CHST8: variants seen among roughly 807,000 people sequenced by gnomAD.
The protein encoded by CHST8 is GALNAC-4-ST1.
CHST8 carries 10 observed loss-of-function variants against 15.0 expected under a neutral mutation model. That is an observed-to-expected ratio of 0.67 (90% CI 0.41 to 1.13). The LOEUF is 1.13. Ranked by LOEUF, CHST8 falls within the 50% of genes most tolerant of loss-of-function variation. The pLI is 0.00. For missense variants in CHST8, 634 were observed against 608.2 expected (o/e 1.04, Z -0.45); for synonymous variants, 259 against 256.6 (o/e 1.01, Z -0.09).
chr19:33,635,096 C>G (rs73585470), intron 1 of CHST8, among the ~76,000 whole-genome samples: 236 of 152,232 alleles, frequency 1.6e-3, no homozygotes, highest in African/African-American at 5.4e-3. Context: ...CCCCCTGATC[C>G]CCCGAAAAGA....
At chr19:33,701,923 T>A (rs1488930307) in intron 3 of CHST8, among the ~76,000 whole-genome samples, 1 of 152,214 alleles carries the variant, frequency 6.6e-6, no homozygotes, top group African/African-American at 2.4e-5. Context: ...AAGCCTGTGC[T>A]CCCCCTTCTC....
intron 3 of CHST8, among the ~76,000 whole-genome samples, chr19:33,694,203 TATATATATATATATATAA>T: frequency 1.1e-5 from 1 of 93,794 alleles, no homozygotes. Flanking sequence ...TATATATATA[TATATATATATATATATAA>T]TGTTACCATA....
chr19:33,688,434 C>T (rs1036014195), intron 2 of CHST8, among the ~76,000 whole-genome samples: 1 of 152,204 alleles, frequency 6.6e-6, no homozygotes, highest in Non-Finnish European at 1.5e-5. Flanking sequence ...CTCTGCGCCT[C>T]TGAGCTTGGA....
intron 3 of CHST8, among the ~76,000 whole-genome samples, chr19:33,741,186 G>T (rs1416794971): frequency 2.0e-5 from 3 of 152,164 alleles, no homozygotes; most frequent in African/African-American, 7.2e-5. Context: ...GTACCTACAT[G>T]GTCCTGCTTG....
At chr19:33,648,388 C>T (rs1370578193) in intron 1 of CHST8, among the ~76,000 whole-genome samples, 2 of 152,070 alleles carry the variant, frequency 1.3e-5, no homozygotes, top group Admixed American at 1.3e-4. Flanking sequence ...ACAGTCACTC[C>T]CCTTCCTTCC....
chr19:33,639,686 G>A (rs776621946), intron 1 of CHST8, among the ~76,000 whole-genome samples: 1 of 152,020 alleles, frequency 6.6e-6, no homozygotes, highest in Non-Finnish European at 1.5e-5. Flanking sequence ...GGGAGAGGAA[G>A]AAGCTGTGTT....
chr19:33,743,671 T>C (rs1020943383), intron 3 of CHST8, among the ~76,000 whole-genome samples: 7 of 152,178 alleles, frequency 4.6e-5, no homozygotes, highest in African/African-American at 1.7e-4. Flanking sequence ...CTGAGAGCCA[T>C]CTAGCAGCAT....
chr19:33,658,460 T>C lies in CHST8; in HGVS notation c.-163-9307T>C, dbSNP rs1223048867. Among the ~76,000 whole-genome samples, 10 of 152,356 alleles carry C rather than the reference T, an allele frequency of 6.6e-5. No homozygotes were observed. The South Asian group carries it at 8.3e-4, about 13-fold the overall frequency. On this transcript the variant is annotated intron_variant, in intron 1 of 4. Transcript: ENST00000650847. ...TCATTTTTCTTCTTGCCAAAATGTA[T>C]CCTTTAAAATTCAATTTCAGGGCAA...
At chr19:33,690,403 T>C (rs1973078956) in intron 3 of CHST8, among the ~76,000 whole-genome samples, 1 of 152,180 alleles carries the variant, frequency 6.6e-6, no homozygotes, top group Non-Finnish European at 1.5e-5. Flanking sequence ...GGTCTTACTC[T>C]GCAACCGCTC....
intron 2 of CHST8, among the ~76,000 whole-genome samples, chr19:33,687,485 G>A (rs1012313872): frequency 5.3e-5 from 8 of 152,156 alleles, no homozygotes; most frequent in African/African-American, 1.9e-4. Flanking sequence ...CTGACACCCC[G>A]GAGCCAGCTC....
chr19:33,639,840 A>ATTT (rs55789565), intron 1 of CHST8, among the ~76,000 whole-genome samples: 2 of 138,106 alleles, frequency 1.4e-5, no homozygotes. Context: ...AGCAAATCAA[A>ATTT]TTTTTTTTTT....
At chr19:33,684,974 T>C (rs1972950856) in intron 2 of CHST8, 1 of 152,264 alleles carries the variant, frequency 6.6e-6, no homozygotes, top group South Asian at 2.1e-4. Context: ...CCTGCCCGTG[T>C]GGTGCAAGGA....
intron 1 of CHST8, among the ~76,000 whole-genome samples, chr19:33,632,605 C>T (rs554315299): frequency 6.6e-6 from 1 of 152,252 alleles, no homozygotes; most frequent in South Asian, 2.1e-4. Context: ...TGTCTGCAAA[C>T]TGAGTGTGCT....
At chr19:33,748,578 G>A (rs1974356114) in intron 3 of CHST8, among the ~76,000 whole-genome samples, 1 of 152,348 alleles carries the variant, frequency 6.6e-6, no homozygotes, top group South Asian at 2.1e-4. Flanking sequence ...TGGGACCCAG[G>A]GTCTCTTACT....
chr19:33,682,941 G>T (rs1972915501), intron 2 of CHST8, among the ~76,000 whole-genome samples: 1 of 152,200 alleles, frequency 6.6e-6, no homozygotes, highest in African/African-American at 2.4e-5. Flanking sequence ...CATCTGCTCG[G>T]CTTCTGGGGA....
At chr19:33,684,210 C>CCGGTAATCTCCACCT in intron 2 of CHST8, among the ~76,000 whole-genome samples, 1 of 152,332 alleles carries the variant, frequency 6.6e-6, no homozygotes, top group East Asian at 1.9e-4. Context: ...CCTGATTCAC[C>CCGGTAATCTCCACCT]CGGTAATCTC....
chr19:33,670,440 A>T (rs1972722475), intron 2 of CHST8, among the ~76,000 whole-genome samples: 1 of 152,250 alleles, frequency 6.6e-6, no homozygotes, highest in South Asian at 2.1e-4. Flanking sequence ...AGCAGACATG[A>T]TTGAAATAGT....
intron 3 of CHST8, among the ~76,000 whole-genome samples, chr19:33,720,239 C>T (rs1213803268): frequency 6.6e-6 from 1 of 151,738 alleles, no homozygotes; most frequent in African/African-American, 2.4e-5. Context: ...CACCCCATAC[C>T]CCATACACAC....
chr19:33,677,755 C>CT (rs1160749034), intron 2 of CHST8, among the ~76,000 whole-genome samples: 1 of 152,224 alleles, frequency 6.6e-6, no homozygotes, highest in African/African-American at 2.4e-5. Context: ...CCACAGTCCC[C>CT]TCTGTCAGAT....
Sources: allele counts gnomAD v4.1 joint callset (sites outside exome capture counted in the v4.1 genomes callset), GRCh38; gene constraint gnomAD v4.1.1; transcripts MANE v1.5; gene names NCBI Gene and HGNC (gene_info 2026-07-23, HGNC 2026-07-21).